Variants in OCIAD1 observed in about 807,000 individuals in gnomAD.
OCIAD1 encodes the protein OCIA domain-containing protein 1.
OCIAD1 carries 29 observed loss-of-function variants against 38.9 expected under a neutral mutation model. That is an observed-to-expected ratio of 0.74 (90% CI 0.55 to 1.02). The LOEUF is 1.02. Among genes scored for constraint, OCIAD1 ranks in the 50% least tolerant of loss-of-function variants. OCIAD1 has a pLI of 0.00. For synonymous variants in OCIAD1, 110 were observed against 92.0 expected, an observed-to-expected ratio of 1.20 and a Z score of -1.12; for missense variants, 288 against 289.6, an observed-to-expected ratio of 0.99 and a Z score of 0.04.
At chr4:48,819,744 A>AAAAAAAAAAAAAAG (rs1560408325) in intron 1 of OCIAD1, among the ~76,000 whole-genome samples, 1 of 95,408 alleles carries the variant, frequency 1.0e-5, no homozygotes, top group Non-Finnish European at 2.2e-5. Flanking sequence ...AAAAAAAAAA[A>AAAAAAAAAAAAAAG]GGAGGGGTTG....
At chr4:48,827,385 G>A (rs1375562335), upstream of OCIAD1, among the ~76,000 whole-genome samples, 1 of 152,156 alleles carries the variant, frequency 6.6e-6, no homozygotes, top group Non-Finnish European at 1.5e-5. Flanking sequence ...CATGAAGACT[G>A]TTGATTTAAT....
At chr4:48,838,162 A>G (rs943675584) in intron 3 of OCIAD1, among the ~76,000 whole-genome samples, 6 of 152,136 alleles carry the variant, frequency 3.9e-5, no homozygotes, top group African/African-American at 1.4e-4. Flanking sequence ...TACTAAGAAT[A>G]CAAAAATTAG....
At chr4:48,835,309 A>T (rs1479891586) in intron 3 of OCIAD1, among the ~76,000 whole-genome samples, 1 of 152,170 alleles carries the variant, frequency 6.6e-6, no homozygotes, top group Non-Finnish European at 1.5e-5. Context: ...ACTGCAGAAG[A>T]CTTTTTAAAG....
chr4:48,812,450 T>A, intron 1 of OCIAD1, among the ~76,000 whole-genome samples: 2 of 144,970 alleles, frequency 1.4e-5, no homozygotes, highest in African/African-American at 5.1e-5. Flanking sequence ...AATTTGGAAA[T>A]CAGAAAGACA....
chr4:48,811,984 C>A (rs1777093361), intron 1 of OCIAD1, among the ~76,000 whole-genome samples: 1 of 151,860 alleles, frequency 6.6e-6, no homozygotes. Flanking sequence ...GAGGTCTATA[C>A]TAGAAAACTA....
chr4:48,860,187 A>G (rs1780473005), intron 8 of OCIAD1: 3 of 152,618 alleles, frequency 2.0e-5, no homozygotes. Context: ...TTCTTCTTAT[A>G]GTAGTATTTA....
intron 4 of OCIAD1, among the ~76,000 whole-genome samples, 170 bp from the exon 5 acceptor site, chr4:48,848,229 C>T (rs991654447): frequency 3.3e-5 from 5 of 151,874 alleles, no homozygotes; most frequent in Non-Finnish European, 5.9e-5. Context: ...TTTGGATTTT[C>T]GTCATATTTC....
At chr4:48,808,442 C>T (rs558956657) in intron 1 of OCIAD1, among the ~76,000 whole-genome samples, 4 of 152,136 alleles carry the variant, frequency 2.6e-5, no homozygotes, top group South Asian at 4.2e-4. Flanking sequence ...TGCACTCCAG[C>T]CTGGGTGACA....
intron 1 of OCIAD1, among the ~76,000 whole-genome samples, chr4:48,816,177 G>T (rs185327741): frequency 3.3e-5 from 5 of 152,096 alleles, no homozygotes; most frequent in Admixed American, 2.0e-4. Context: ...TGCATTTCTC[G>T]CTCTCTCTCT....
chr4:48,824,744 T>G (rs1404639083), intron 1 of OCIAD1, among the ~76,000 whole-genome samples: 1 of 151,962 alleles, frequency 6.6e-6, no homozygotes, highest in African/African-American at 2.4e-5. Context: ...TCAAATGAAC[T>G]TTTTTGTTTT....
rs1777175817 is a variant in OCIAD1 at position 48,819,781 on chromosome 4, T to TC, written c.-102-10796_-102-10795insC. Among the ~76,000 whole-genome samples, 5 of 112,602 alleles carry TC rather than the reference T, an allele frequency of 4.4e-5. No homozygotes were observed. The East Asian group carries it at 1.1e-3, about 25-fold the overall frequency. The allele number at this position is 112,602 out of a possible 152,430, so 73.9% of individuals were successfully genotyped here. A position where few individuals can be genotyped will look rare whatever the true frequency, so the allele number is the denominator to read the frequency against. On this transcript the variant is annotated intron_variant, in intron 1 of 6. Transcript: ENST00000504654. ...AATCCCAGTCTCTGATAAAACAGAC[T>TC]TTAAACCAACAAAGATAAAAAAAGA...
upstream of OCIAD1, among the ~76,000 whole-genome samples, chr4:48,828,616 TAAC>T (rs1419180909): frequency 6.6e-6 from 1 of 151,960 alleles, no homozygotes; most frequent in Non-Finnish European, 1.5e-5. Context: ...CTGGAGGGAT[TAAC>T]AACTCCAGAC....
intron 5 of OCIAD1, among the ~76,000 whole-genome samples, chr4:48,849,624 C>T (rs951923352): frequency 6.6e-6 from 1 of 152,084 alleles, no homozygotes; most frequent in African/African-American, 2.4e-5. Context: ...GCTTTTATTC[C>T]TTATCCATTC....
chr4:48,835,698 A>G (rs1400490777), intron 3 of OCIAD1, among the ~76,000 whole-genome samples: 1 of 152,014 alleles, frequency 6.6e-6, no homozygotes, highest in Non-Finnish European at 1.5e-5. Flanking sequence ...GCCTCCCCAA[A>G]TGGTGGAATT....
intron 8 of OCIAD1, among the ~76,000 whole-genome samples, chr4:48,857,959 G>T (rs1780228924): frequency 6.6e-6 from 1 of 152,138 alleles, no homozygotes. Context: ...TTGGAGACCA[G>T]CATGGCCAAC....
At chr4:48,860,508 GACTA>G (rs1451189395) in intron 8 of OCIAD1, among the ~76,000 whole-genome samples, 2 of 151,878 alleles carry the variant, frequency 1.3e-5, no homozygotes, top group Non-Finnish European at 2.9e-5. Flanking sequence ...TTGTTATGAG[GACTA>G]ACTATTTATG....
rs1461092662 is a variant in OCIAD1, at chr4:48,839,417, C to T, written c.140-3219C>T. Among the ~76,000 whole-genome samples, 3 of 121,674 alleles carry T rather than the reference C, an allele frequency of 2.5e-5. No individual in the cohort carries two copies. In the South Asian group the frequency reaches 8.4e-4, roughly 34 times the overall value. The allele number at this position is 121,674 out of a possible 152,430, so 79.8% of individuals were successfully genotyped here. On this transcript the variant is annotated intron_variant, in intron 3 of 8. Transcript: ENST00000264312. ...TGACATTGCACTCCAGCCTGGGTGA[C>T]AAAGCGAGACTTCATCTCAAAAAAA...
At chr4:48,806,568 T>C (rs1560405094) in intron 1 of OCIAD1, among the ~76,000 whole-genome samples, 1 of 152,212 alleles carries the variant, frequency 6.6e-6, no homozygotes, top group South Asian at 2.1e-4. Flanking sequence ...CTGTGGTTGA[T>C]AGCACAGAAT....
chr4:48,816,961 C>G (rs1777149425), intron 1 of OCIAD1, among the ~76,000 whole-genome samples: 1 of 152,138 alleles, frequency 6.6e-6, no homozygotes, highest in African/African-American at 2.4e-5. Context: ...CAGAGCGAGA[C>G]TCCCTCCTCC....
Sources: gnomAD v4.1 joint callset for allele counts (sites outside exome capture counted in the v4.1 genomes callset) on GRCh38, gnomAD v4.1.1 for gene constraint, MANE v1.5 for transcripts, NCBI Gene and HGNC (gene_info 2026-07-23, HGNC 2026-07-21) for gene names.